The following MCM5 variants were observed in gnomAD, a reference collection of about 807,000 sequenced individuals.
The protein encoded by MCM5 is minichromosome maintenance complex component 5, also known as DNA replication licensing factor MCM5.
Under a neutral mutation model 79.9 loss-of-function variants are expected in MCM5, and 46 were observed. That is an observed-to-expected ratio of 0.58 (90% CI 0.45 to 0.74). MCM5 has a LOEUF of 0.74. MCM5 is among the 30% of genes least tolerant of loss of function. The pLI is 0.00. For synonymous variants in MCM5, 404 were observed against 390.5 expected (o/e 1.03, Z -0.41); for missense variants, 883 against 1,017.0 (o/e 0.87, Z 1.79).
the MCM5 span, among the ~76,000 whole-genome samples, chr22:35,450,260 CT>C: frequency 6.6e-6 from 1 of 152,156 alleles, no homozygotes; most frequent in African/African-American, 2.4e-5. Context: ...GCTGCTTCCT[CT>C]CTGGGCGACC....
intron 4 of MCM5, among the ~76,000 whole-genome samples, chr22:35,404,928 A>G (rs4645752): frequency 0.063 from 9,642 of 152,012 alleles, 395 homozygotes; most frequent in Non-Finnish European, 0.088. Flanking sequence ...ACTTTTTATT[A>G]TGGATAATTC....
the MCM5 span, among the ~76,000 whole-genome samples, chr22:35,444,546 A>G: frequency 6.6e-6 from 1 of 151,672 alleles, no homozygotes; most frequent in Admixed American, 6.5e-5. Context: ...GTGGCCTGTG[A>G]CTCGTGGTTG....
chr22:35,421,653 G>A, intron 15 of MCM5, 193 bp downstream of exon 15: 1 of 728,458 alleles, frequency 1.4e-6, no homozygotes. Context: ...CTCCAAGATG[G>A]GAAGAAGCAG....
downstream of MCM5, among the ~76,000 whole-genome samples, chr22:35,428,659 C>T (rs908538547): frequency 2.0e-5 from 3 of 152,128 alleles, no homozygotes; most frequent in South Asian, 4.1e-4. Flanking sequence ...GTAGTAAGCT[C>T]CCTGTTTCTG....
At chr22:35,448,073 G>A in the MCM5 span, among the ~76,000 whole-genome samples, 17 of 152,170 alleles carry the variant, frequency 1.1e-4, no homozygotes, top group African/African-American at 4.1e-4. Flanking sequence ...CCACACATGC[G>A]GTGTCTCATG....
At chr22:35,436,266 T>C in the MCM5 span, among the ~76,000 whole-genome samples, 121 of 151,442 alleles carry the variant, frequency 8.0e-4, no homozygotes, top group African/African-American at 2.7e-3. Flanking sequence ...CCGGCCTGGA[T>C]CCAGCTCTTA....
chr22:35,453,530 G>C, the MCM5 span, among the ~76,000 whole-genome samples: 1 of 140,204 alleles, frequency 7.1e-6, no homozygotes, highest in Admixed American at 7.1e-5. Context: ...GAGACAGAAA[G>C]GGGCAGAGAT....
At chr22:35,437,592 T>C in the MCM5 span, among the ~76,000 whole-genome samples, 1 of 152,086 alleles carries the variant, frequency 6.6e-6, no homozygotes, top group Middle Eastern at 3.2e-3. Context: ...TCAGTTAGGG[T>C]GGGTCGGGCT....
At position 35,416,353 on chromosome 22, in the gene MCM5, C is replaced by T. The variant is rs1182141351; in HGVS notation, c.1362C>T (p.Asp454=). 4 of 1,613,908 alleles carry T rather than the reference C, an allele frequency of 2.5e-6. No individual in the cohort carries two copies. In the South Asian group the frequency reaches 4.4e-5, roughly 18 times the overall value. ...TCCCCACTTAGATGCGAGAAGATGA[C>T]CGTGTGGCAATCCACGAAGCCATGG... ...IDEFDKMRED[D]RVAIHEAMEQ... Residue 454 remains aspartate (D), a synonymous_variant, in exon 11 of 17, where the codon GAC becomes GAT. Transcript: ENST00000216122.
the MCM5 span, among the ~76,000 whole-genome samples, chr22:35,436,512 G>T: frequency 1.3e-5 from 2 of 152,220 alleles, no homozygotes; most frequent in African/African-American, 2.4e-5. Context: ...CTATGAGGGG[G>T]CCCTGCTGTT....
intron 4 of MCM5, 78 bp downstream of exon 4, chr22:35,403,620 C>T: frequency 6.5e-7 from 1 of 1,542,822 alleles, no homozygotes; most frequent in East Asian, 2.3e-5. Context: ...GCTGTGTGGC[C>T]TTGAGTGAGG....
the MCM5 span, among the ~76,000 whole-genome samples, chr22:35,449,887 A>G: frequency 6.6e-6 from 1 of 151,854 alleles, no homozygotes; most frequent in Non-Finnish European, 1.5e-5. Context: ...GCTGAAGTGG[A>G]CCTCCTGCCT....
In MCM5 at chr22:35,419,907, C is replaced by T; in HGVS notation, c.1727C>T (p.Ala576Val). 6.2e-7 allele frequency: 1 copy of T among 1,612,698 alleles called. No homozygotes were observed. Among genetic ancestry groups the T allele is most frequent in the East Asian group, 2.2e-5 (1 of 44,802 alleles). ...AGGAAGTGTGGCCCCCGGCTGTCAG[C>T]AGAGGCTGCAGAGAAACTGAAGAAC... ...CRVKCGPRLS[A>V]EAAEKLKNRY... The change falls in exon 14 of 17, where the codon GCA becomes GTA. Residue 576 changes from alanine to valine, a missense_variant. Transcript: ENST00000216122.
At chr22:35,400,788 TTTTAC>T (rs954996530) in intron 2 of MCM5, among the ~76,000 whole-genome samples, 183 bp downstream of exon 2, 1 of 151,138 alleles carries the variant, frequency 6.6e-6, no homozygotes, top group Non-Finnish European at 1.5e-5. Context: ...GTGTATTTTG[TTTTAC>T]TTTATTTTAT....
chr22:35,442,711 C>G, the MCM5 span, among the ~76,000 whole-genome samples: 3 of 152,226 alleles, frequency 2.0e-5, no homozygotes, highest in African/African-American at 7.2e-5. Flanking sequence ...TTACATTGGG[C>G]TCATCCTGAT....
At chr22:35,412,767 C>A in intron 8 of MCM5, 86 bp downstream of exon 8, 1 of 1,176,996 alleles carries the variant, frequency 8.5e-7, no homozygotes, top group Non-Finnish European at 1.1e-6. Flanking sequence ...CAGGACTGGG[C>A]ACTCTTTTTT....
rs1195988648 is a variant in MCM5 at position 35,412,563 on chromosome 22, C to T, written c.973C>T (p.Leu325=). The T allele has an allele frequency of 2.5e-6, 4 of 1,583,302 alleles. No individual in the cohort carries two copies. The highest frequency in any genetic ancestry group is 3.4e-6 in the Non-Finnish European group (4 of 1,163,090). The change falls in exon 8 of 17, where the codon CTG becomes TTG. Residue 325 remains leucine, a synonymous_variant. Transcript: ENST00000216122. The part of the protein sequence containing the change: ...SPQEEEEFRR[L]AALPNVYEVI... ...CCAGGAGGAGGAGGAGTTCCGTCGCCTGGCTGCCCTCCCAAATGTCTATGA... is the reference window on the plus strand; with the variant it reads ...CCAGGAGGAGGAGGAGTTCCGTCGCTTGGCTGCCCTCCCAAATGTCTATGA...
At chr22:35,429,238 G>A (rs1244597326), downstream of MCM5, among the ~76,000 whole-genome samples, 1 of 151,646 alleles carries the variant, frequency 6.6e-6, no homozygotes, top group Non-Finnish European at 1.5e-5. Flanking sequence ...CACCTGCCTC[G>A]GCCTCCCAAA....
At chr22:35,402,739 T>G (rs980887677) in intron 2 of MCM5, among the ~76,000 whole-genome samples, 16 of 152,178 alleles carry the variant, frequency 1.1e-4, no homozygotes, top group Admixed American at 1.0e-3. Flanking sequence ...AGACTGGGTG[T>G]TGCCATGTGG....
Sources: allele counts gnomAD v4.1 joint callset (sites outside exome capture counted in the v4.1 genomes callset), GRCh38; gene constraint gnomAD v4.1.1; transcripts MANE v1.5; gene names NCBI Gene and HGNC (gene_info 2026-07-23, HGNC 2026-07-21).